ZC3H12B: variants seen among roughly 807,000 people sequenced by gnomAD.
The protein encoded by ZC3H12B is zinc finger CCCH-type containing 12B.
ZC3H12B carries 7 observed loss-of-function variants against 43.9 expected under a neutral mutation model. The observed-to-expected ratio is 0.16, with a 90% confidence interval of 0.09 to 0.30. ZC3H12B has a LOEUF of 0.30. Among genes scored for constraint, ZC3H12B ranks in the 10% least tolerant of loss-of-function variants. The pLI is 1.00. For missense variants in ZC3H12B, 475 were observed against 670.2 expected, an observed-to-expected ratio of 0.71 and a Z score of 3.22; for synonymous variants, 222 against 241.7, an observed-to-expected ratio of 0.92 and a Z score of 0.76.
chrX:65,267,297 A>G, the ZC3H12B span, among the ~76,000 whole-genome samples: 15 of 109,135 alleles, frequency 1.4e-4, no homozygotes, highest in African/African-American at 5.0e-4. Context: ...TGGCTACACA[A>G]GAAAAAGAAT....
chrX:65,175,182 C>T, the ZC3H12B span, among the ~76,000 whole-genome samples: 2 of 111,703 alleles, frequency 1.8e-5, no homozygotes, highest in African/African-American at 6.5e-5. Flanking sequence ...CCCCACCCTG[C>T]TTCTGCTTAC....
chrX:65,114,622 T>C, the ZC3H12B span, among the ~76,000 whole-genome samples: 1 of 111,124 alleles, frequency 9.0e-6, no homozygotes, highest in South Asian at 3.7e-4. Context: ...TTGTGTTTTT[T>C]ACCTTTTTCT....
At chrX:65,211,962 A>T in the ZC3H12B span, among the ~76,000 whole-genome samples, 11 of 71,011 alleles carry the variant, frequency 1.5e-4, no homozygotes, top group Admixed American at 2.5e-4. Context: ...AATATATAAT[A>T]TATGTTATGT....
At chrX:65,135,750 C>CTTTTTTTTTTTTTTT in the ZC3H12B span, among the ~76,000 whole-genome samples, 1 of 69,890 alleles carries the variant, frequency 1.4e-5, no homozygotes, top group East Asian at 4.7e-4. Flanking sequence ...TGTTTGTTTT[C>CTTTTTTTTTTTTTTT]TTTTTTTTTT....
chrX:65,113,443 A>G, the ZC3H12B span, among the ~76,000 whole-genome samples: 3 of 110,872 alleles, frequency 2.7e-5, no homozygotes, highest in Non-Finnish European at 5.7e-5. Flanking sequence ...TCATGCCTGT[A>G]ATCCCAGTGA....
At chrX:65,422,384 C>A (rs1370143751) in intron 3 of ZC3H12B, among the ~76,000 whole-genome samples, 1 of 111,757 alleles carries the variant, frequency 8.9e-6, no homozygotes, top group Non-Finnish European at 1.9e-5. Flanking sequence ...GAAATTCTGA[C>A]CATTTGTTGG....
chrX:65,098,244 A>C, the ZC3H12B span, among the ~76,000 whole-genome samples: 1 of 110,488 alleles, frequency 9.1e-6, no homozygotes, highest in Non-Finnish European at 1.9e-5. Context: ...ACACACACAC[A>C]CACACACACA....
the ZC3H12B span, among the ~76,000 whole-genome samples, chrX:65,187,512 A>G: frequency 8.9e-6 from 1 of 112,031 alleles, no homozygotes; most frequent in East Asian, 2.8e-4. Flanking sequence ...AGATTACCAA[A>G]GAGAGAAAAA....
the ZC3H12B span, among the ~76,000 whole-genome samples, chrX:65,107,108 T>A: frequency 4.5e-5 from 5 of 111,131 alleles, no homozygotes; most frequent in Non-Finnish European, 7.5e-5. Flanking sequence ...TGAGATCACC[T>A]GGGGAGTATG....
At chrX:65,302,750 C>G in the ZC3H12B span, among the ~76,000 whole-genome samples, 9 of 111,803 alleles carry the variant, frequency 8.0e-5, no homozygotes, top group African/African-American at 2.9e-4. Context: ...TACCTGCATT[C>G]AAGTCTTACT....
chrX:65,192,291 G>T, the ZC3H12B span, among the ~76,000 whole-genome samples: 1 of 111,623 alleles, frequency 9.0e-6, no homozygotes, highest in African/African-American at 3.3e-5. Flanking sequence ...ATTTGGGGTG[G>T]ATCAAACAAG....
chrX:65,500,723 C>A (rs1284937279), intron 4 of ZC3H12B, among the ~76,000 whole-genome samples: 1 of 110,208 alleles, frequency 9.1e-6, no homozygotes, highest in Non-Finnish European at 1.9e-5. Context: ...GCCACCGTGC[C>A]CGGCCCCTTT....
chrX:65,411,705 G>A (rs1176735533), intron 3 of ZC3H12B, among the ~76,000 whole-genome samples: 3 of 109,215 alleles, frequency 2.7e-5, no homozygotes, highest in Non-Finnish European at 5.7e-5. Context: ...CAGCCTGGGC[G>A]ACAGAGTGAG....
the ZC3H12B span, among the ~76,000 whole-genome samples, chrX:65,119,467 C>T: frequency 8.9e-6 from 1 of 112,076 alleles, no homozygotes; most frequent in African/African-American, 3.2e-5. Context: ...AGTGTCCGTT[C>T]ATATCCTTCA....
the ZC3H12B span, among the ~76,000 whole-genome samples, chrX:65,312,008 G>C: frequency 9.0e-6 from 1 of 111,269 alleles, no homozygotes; most frequent in East Asian, 2.8e-4. Context: ...GTAGGGGGCA[G>C]GGGGAGGGAT....
intron 3 of ZC3H12B, among the ~76,000 whole-genome samples, chrX:65,483,530 C>T (rs1202320039): frequency 9.0e-6 from 1 of 111,328 alleles, no homozygotes; most frequent in Non-Finnish European, 1.9e-5. Flanking sequence ...TGTGTAACTT[C>T]TTTAACTGAT....
At chrX:65,447,719 A>G (rs770957126) in intron 3 of ZC3H12B, among the ~76,000 whole-genome samples, 10 of 112,132 alleles carry the variant, frequency 8.9e-5, no homozygotes, top group Non-Finnish European at 1.3e-4. Flanking sequence ...CCAGAACTAC[A>G]AGGAACTCAC....
chrX:65,161,854 C>T, the ZC3H12B span, among the ~76,000 whole-genome samples: 566 of 111,824 alleles, frequency 5.1e-3, 2 homozygotes, highest in African/African-American at 0.016. Context: ...GCAGTTTCTT[C>T]CTAGCCTCGA....
At chrX:65,195,216 G>A in the ZC3H12B span, among the ~76,000 whole-genome samples, 5 of 110,077 alleles carry the variant, frequency 4.5e-5, no homozygotes, top group Non-Finnish European at 9.5e-5. Context: ...TTGTTTTCTG[G>A]TTGATTTGTG....
Sources: allele counts gnomAD v4.1 joint callset (sites outside exome capture counted in the v4.1 genomes callset), GRCh38; gene constraint gnomAD v4.1.1; transcripts MANE v1.5; gene names NCBI Gene and HGNC (gene_info 2026-07-23, HGNC 2026-07-21).